SCYL3: variants seen among roughly 807,000 people sequenced by gnomAD.
The protein encoded by SCYL3 is SCY1 like pseudokinase 3.
Under a neutral mutation model 73.8 loss-of-function variants are expected in SCYL3, and 35 were observed. The ratio of observed to expected loss-of-function variants is 0.47; its 90% CI spans 0.36 to 0.63. SCYL3 has a LOEUF of 0.63. SCYL3 is among the 20% of genes least tolerant of loss of function. SCYL3 has a pLI of 0.00. For synonymous variants in SCYL3, 277 were observed against 295.2 expected (o/e 0.94, Z 0.63); for missense variants, 712 against 798.9 (o/e 0.89, Z 1.31).
Position 169,853,488 on chromosome 1 carries a change from G to T in SCYL3, c.*225C>A. Reference sequence around the variant, plus strand: ...ACTGGCCTCAGTCAAATGCACAAAGGCTCTTCCTCCTGGAAACCAGTACTG... The same window carrying T: ...ACTGGCCTCAGTCAAATGCACAAAGTCTCTTCCTCCTGGAAACCAGTACTG... On this transcript the variant is annotated 3_prime_UTR_variant, in exon 13 of 13. Coordinates refer to ENST00000367771, the MANE Select transcript of SCYL3 (RefSeq NM_020423.7). 2.0e-6 allele frequency: 1 copy of T among 492,552 alleles called. No individual in the cohort carries two copies. The highest frequency in any genetic ancestry group is 3.6e-5 in the South Asian group (1 of 27,910). 30.5% of individuals were successfully genotyped at this position (492,552 alleles called of 1,614,324 possible).
rs756862893 is a variant in SCYL3 at position 169,888,710 on chromosome 1, C to T, written c.131G>A (p.Arg44Lys). The T allele has an allele frequency of 1.2e-6, 2 of 1,614,034 alleles. No individual in the cohort carries two copies. Among genetic ancestry groups the T allele is most frequent in the East Asian group, 4.5e-5 (2 of 44,870 alleles). ...TTTATTAACCTTGTCTTCATTTTCT[C>T]TCTTATACACAAAAACTGAAGCAAA... ...GKFASVFVYKRENEDKVNKAA... is the reference protein window; with the variant it reads ...GKFASVFVYKKENEDKVNKAA... The change falls in exon 2 of 13, where the codon AGA becomes AAA. Residue 44 changes from arginine to lysine, a missense_variant. Physicochemically the swap from Arg to Lys is conservative, Grantham distance 26. This residue lies in a region of SCYL3 where 342 missense variants were observed against 448.1 expected (regional missense o/e 0.76). Transcript: ENST00000367771.
In SCYL3 at chr1:169,866,897, T is replaced by G. The variant is rs748060445; in HGVS notation, c.814A>C (p.Lys272Gln). The change falls in exon 8 of 13, where the codon AAA becomes CAA. Residue 272 changes from lysine (K) to glutamine (Q), a missense_variant and splice_region_variant. By Grantham distance (53) the Lys-to-Gln change is moderately conservative. This residue lies in a region of SCYL3 where 342 missense variants were observed against 448.1 expected (regional missense o/e 0.76). Transcript: ENST00000367771. Reference protein sequence around the residue: ...KSEEEKTEFFKFLLDRVSCLS... With the variant: ...KSEEEKTEFFQFLLDRVSCLS... ...AAATTCTTAATTTTCTGAACTTACT[T>G]AAAGAATTCCGTTTTCTCCTCTTCA... 2.6e-5 allele frequency: 39 copies of G among 1,518,854 alleles called. No individual in the cohort carries two copies. In the South Asian group the frequency reaches 4.4e-4, roughly 17 times the overall value. The allele number at this position is 1,518,854 out of a possible 1,614,324, so 94.1% of individuals were successfully genotyped here.
chr1:169,875,562 C>CTAT (rs1230520659), intron 4 of SCYL3, among the ~76,000 whole-genome samples: 1 of 152,282 alleles, frequency 6.6e-6, no homozygotes, highest in Non-Finnish European at 1.5e-5. Context: ...TAGTATGTGC[C>CTAT]AGGCACTATT....
rs1184992012 is a variant in SCYL3 at position 169,850,384 on chromosome 1, TA to T, written c.*3328del. The T allele has an allele frequency of 1.4e-6, 2 of 1,433,090 alleles. No homozygotes were observed. Among genetic ancestry groups the T allele is most frequent in the Admixed American group, 2.1e-5 (1 of 48,762 alleles). The allele number at this position is 1,433,090 out of a possible 1,614,324, so 88.8% of individuals were successfully genotyped here. A position where few individuals can be genotyped will look rare whatever the true frequency, so the allele number is the denominator to read the frequency against. On this transcript the variant is annotated 3_prime_UTR_variant, in exon 13 of 13. Coordinates refer to ENST00000367771, the MANE Select transcript of SCYL3 (RefSeq NM_020423.7). ...ATGGCTCATGTTTTATTCTTTGTCC[TA>T]TTTTTTTTTTTCCGAAATTATGTAA...
chr1:169,856,972 G>C (rs1659229678), intron 11 of SCYL3, among the ~76,000 whole-genome samples: 1 of 152,184 alleles, frequency 6.6e-6, no homozygotes, highest in African/African-American at 2.4e-5. Flanking sequence ...AATGAGAACT[G>C]GGTTAGAGAT....
chr1:169,861,616 G>A (rs558525946), intron 10 of SCYL3, among the ~76,000 whole-genome samples: 1 of 152,292 alleles, frequency 6.6e-6, no homozygotes, highest in South Asian at 2.1e-4. Context: ...ATTATTTTAA[G>A]GCACTAAGTT....
At chr1:169,888,577 T>A in intron 2 of SCYL3, 99 bp downstream of exon 2, 1 of 950,890 alleles carries the variant, frequency 1.1e-6, no homozygotes, top group Middle Eastern at 2.7e-4. Flanking sequence ...CTGGTCCTTA[T>A]GATCTTACCT....
chr1:169,875,582 G>A (rs1660739580), intron 4 of SCYL3, among the ~76,000 whole-genome samples: 1 of 152,098 alleles, frequency 6.6e-6, no homozygotes, highest in South Asian at 2.1e-4. Flanking sequence ...TCTAGGTAGA[G>A]GTATAAAGAT....
intron 5 of SCYL3, among the ~76,000 whole-genome samples, chr1:169,871,370 A>G (rs1660381371): frequency 1.3e-5 from 2 of 152,198 alleles, no homozygotes; most frequent in South Asian, 4.1e-4. Context: ...GTTTCCCTGC[A>G]TAAGCTCTCT....
At chr1:169,855,255 T>G (rs756785208) in intron 11 of SCYL3, among the ~76,000 whole-genome samples, 1 of 152,226 alleles carries the variant, frequency 6.6e-6, no homozygotes, top group Non-Finnish European at 1.5e-5. Context: ...CACATAAATA[T>G]AGAAATGCTC....
chr1:169,854,123 C>A (rs1457073639), intron 12 of SCYL3, 147 bp downstream of exon 12: 1 of 625,348 alleles, frequency 1.6e-6, no homozygotes, highest in East Asian at 2.9e-5. Flanking sequence ...AAGATAGATA[C>A]CAATGATAGA....
chr1:169,857,989 T>C (rs754172663), intron 11 of SCYL3, among the ~76,000 whole-genome samples: 1 of 152,208 alleles, frequency 6.6e-6, no homozygotes, highest in East Asian at 1.9e-4. Context: ...ATGGCATTTA[T>C]AGGACTAGAA....
At position 169,874,654 on chromosome 1, in the gene SCYL3, G is replaced by A. The variant is rs372148774; in HGVS notation, c.466-902C>T. Among the ~76,000 whole-genome samples, 9 of 152,252 alleles carry A rather than the reference G, an allele frequency of 5.9e-5. No individual in the cohort carries two copies. In the South Asian group the frequency reaches 1.7e-3, roughly 28 times the overall value. ...AGAACTCTTGAGTGAGGCCAGGCTC[G>A]GTGGCTCATATCTGTAATCCCAGCA... On this transcript the variant is annotated intron_variant, in intron 4 of 12. Coordinates refer to ENST00000367771, the MANE Select transcript of SCYL3 (RefSeq NM_020423.7).
At position 169,858,990 on chromosome 1, in the gene SCYL3, A is replaced by C. The variant is rs372207850; in HGVS notation, c.1312+51T>G. On this transcript the variant is annotated intron_variant, in intron 11 of 12. Transcript: ENST00000367771. ...CTCCTACATTACTTATATAATACTA[A>C]AAATCTAAAAAAATGACACACAAAA... is the stretch of plus-strand genomic sequence containing the variant. The C allele has an allele frequency of 3.2e-6, 5 of 1,544,664 alleles. No individual in the cohort carries two copies. The African/African-American group carries it at 6.9e-5, about 21-fold the overall frequency.
intron 2 of SCYL3, among the ~76,000 whole-genome samples, chr1:169,884,229 T>C (rs775622864): frequency 8.5e-5 from 13 of 152,110 alleles, no homozygotes; most frequent in Non-Finnish European, 1.9e-4. Context: ...AAACCAAAAA[T>C]TGTGTTAGCA....
At chr1:169,871,261 C>T (rs1235527086) in intron 5 of SCYL3, among the ~76,000 whole-genome samples, 1 of 152,186 alleles carries the variant, frequency 6.6e-6, no homozygotes, top group East Asian at 1.9e-4. Flanking sequence ...TGGGAAGAAC[C>T]AGTGGCAGGT....
chr1:169,880,186 G>A (rs1661148575), intron 2 of SCYL3, among the ~76,000 whole-genome samples: 1 of 151,802 alleles, frequency 6.6e-6, no homozygotes. Flanking sequence ...AAATATAACT[G>A]AAGTCCCAAA....
chr1:169,853,703 AC>A lies in SCYL3; in HGVS notation c.*9del. The A allele has an allele frequency of 1.2e-6, 2 of 1,612,408 alleles. No individual in the cohort carries two copies. Among genetic ancestry groups the A allele is most frequent in the Middle Eastern group, 1.7e-4 (1 of 6,052 alleles). The stretch of plus-strand genomic sequence containing the variant: ...AATCCTTTTTCCTAAAGTTTAACTC[AC>A]ATCTATTGTCACCAGTTATTATCTT... On this transcript the variant is annotated 3_prime_UTR_variant, in exon 13 of 13. Transcript: ENST00000367771.
Position 169,850,376 on chromosome 1 carries a change from C to A in SCYL3, c.*3337G>T. On this transcript the variant is annotated 3_prime_UTR_variant, in exon 13 of 13. Coordinates refer to ENST00000367771, the MANE Select transcript of SCYL3 (RefSeq NM_020423.7). ...TTCTTTACATGGCTCATGTTTTATT[C>A]TTTGTCCTATTTTTTTTTTTCCGAA... The A allele has an allele frequency of 2.8e-6, 4 of 1,450,448 alleles. No individual in the cohort carries two copies. The highest frequency in any genetic ancestry group is 1.4e-5 in the African/African-American group (1 of 70,094). 89.8% of individuals were successfully genotyped at this position (1,450,448 alleles called of 1,614,324 possible). A position where few individuals can be genotyped will look rare whatever the true frequency, so the allele number is the denominator to read the frequency against.
Sources: gnomAD v4.1 joint callset for allele counts (sites outside exome capture counted in the v4.1 genomes callset) on GRCh38, gnomAD v4.1.1 for gene constraint, gnomAD v4.1.1 regional missense constraint, MANE v1.5 for transcripts, NCBI Gene and HGNC (gene_info 2026-07-23, HGNC 2026-07-21) for gene names.